Variants in PIK3CA observed in about 807,000 individuals in gnomAD.
The protein encoded by PIK3CA is phosphatidylinositol-4,5-bisphosphate 3-kinase catalytic subunit alpha, also known as phosphatidylinositol 4,5-bisphosphate 3-kinase catalytic subunit alpha isoform.
In PIK3CA, 27 loss-of-function variants were observed where a neutral mutation model predicts 138.2. That is an observed-to-expected ratio of 0.20 (90% CI 0.14 to 0.27). The LOEUF is 0.27. Among genes scored for constraint, PIK3CA ranks in the 10% least tolerant of loss-of-function variants. The pLI is 1.00. For missense variants in PIK3CA, 544 were observed against 1,277.4 expected (o/e 0.43, Z 8.75); for synonymous variants, 358 against 413.2 (o/e 0.87, Z 1.62).
At chr3:179,152,107 C>T (rs1723027982) in intron 1 of PIK3CA, among the ~76,000 whole-genome samples, 1 of 152,112 alleles carries the variant, frequency 6.6e-6, no homozygotes, top group Non-Finnish European at 1.5e-5. Flanking sequence ...TTCATAAGCA[C>T]CAGTTTTTAT....
intron 1 of PIK3CA, among the ~76,000 whole-genome samples, chr3:179,180,643 C>T (rs1723817634): frequency 6.6e-6 from 1 of 151,930 alleles, no homozygotes; most frequent in Non-Finnish European, 1.5e-5. Flanking sequence ...AATGTTTTAA[C>T]CTTGGAGATT....
intron 6 of PIK3CA, among the ~76,000 whole-genome samples, chr3:179,205,081 C>A (rs1724524449): frequency 6.8e-6 from 1 of 147,232 alleles, no homozygotes; most frequent in African/African-American, 2.5e-5. Context: ...TGGCATGTGC[C>A]TGTAGTCCCA....
rs1725325040 is a variant in PIK3CA at position 179,235,951 on chromosome 3, A to AT, written c.*1589dup. 4.8e-5 allele frequency: 10 copies of AT among 209,752 alleles called. No homozygotes were observed. In the South Asian group the frequency reaches 1.5e-3, roughly 32 times the overall value. The allele number at this position is 209,752 out of a possible 1,614,324, so 13.0% of individuals were successfully genotyped here. ...AAATGAATGATTAATGTCCTAGGAA[A>AT]TTAGCTTTAGCAGATGTCCAGGTGC... On this transcript the variant is annotated 3_prime_UTR_variant, in exon 21 of 21. Coordinates refer to ENST00000263967, the MANE Select transcript of PIK3CA (RefSeq NM_006218.4).
chr3:179,226,639 G>A (rs552991952), intron 17 of PIK3CA, among the ~76,000 whole-genome samples: 2 of 152,176 alleles, frequency 1.3e-5, no homozygotes, highest in Non-Finnish European at 2.9e-5. Flanking sequence ...TGGCCTATAA[G>A]TGGACATAGA....
chr3:179,182,303 G>C lies in PIK3CA; in HGVS notation c.-76-16447G>C, dbSNP rs144145180. ...AAGCATTTTAATGTATTAAATCATT[G>C]TAAGTAATTTATTGTTTAACTGCAT... On this transcript the variant is annotated intron_variant, in intron 1 of 20. Transcript: ENST00000263967. Among the ~76,000 whole-genome samples, 19 of 152,284 alleles carry C rather than the reference G, an allele frequency of 1.2e-4. No individual in the cohort carries two copies. The East Asian group carries it at 3.5e-3, about 28-fold the overall frequency.
chr3:179,213,390 C>G (rs1724764867), intron 9 of PIK3CA, among the ~76,000 whole-genome samples: 2 of 152,194 alleles, frequency 1.3e-5, no homozygotes, highest in South Asian at 4.1e-4. Context: ...AATGTACATA[C>G]TTTAAAAATA....
chr3:179,204,727 T>C (rs946864413), intron 6 of PIK3CA, 139 bp downstream of exon 6: 1 of 491,846 alleles, frequency 2.0e-6, no homozygotes, highest in Non-Finnish European at 3.8e-6. Context: ...TTCTTAAAAA[T>C]TAGCTAGGCA....
Position 179,183,768 on chromosome 3 carries a change from C to A in PIK3CA, c.-76-14982C>A, listed in dbSNP as rs1015866358. Among the ~76,000 whole-genome samples the A allele has an allele frequency of 3.3e-5, 5 of 152,164 alleles. No individual in the cohort carries two copies. In the South Asian group the frequency reaches 1.0e-3, roughly 32 times the overall value. On this transcript the variant is annotated intron_variant, in intron 1 of 20. Transcript: ENST00000263967. ...GATAATAGCAAGGATAGATAAATAA[C>A]TAGACAAAAATGTCAGGGACCTAAG...
chr3:179,180,322 G>A (rs748015422), intron 1 of PIK3CA, among the ~76,000 whole-genome samples: 3 of 152,030 alleles, frequency 2.0e-5, no homozygotes, highest in Non-Finnish European at 4.4e-5. Flanking sequence ...AAATTACCAC[G>A]TTCTGCCTTG....
intron 1 of PIK3CA, among the ~76,000 whole-genome samples, chr3:179,154,328 C>T (rs185929011): frequency 1.3e-5 from 2 of 152,176 alleles, no homozygotes; most frequent in Admixed American, 6.5e-5. Context: ...GTTGTCGGAG[C>T]AGCAGCGGCA....
intron 1 of PIK3CA, among the ~76,000 whole-genome samples, chr3:179,190,407 G>A (rs947113412): frequency 2.8e-4 from 41 of 144,882 alleles, no homozygotes; most frequent in African/African-American, 9.7e-4. Context: ...TGAGTATGTT[G>A]AGGTACAGTT....
intron 1 of PIK3CA, among the ~76,000 whole-genome samples, chr3:179,176,061 A>G (rs756638745): frequency 6.6e-6 from 1 of 152,208 alleles, no homozygotes; most frequent in African/African-American, 2.4e-5. Flanking sequence ...TTCCAGAGGA[A>G]ATCTATAGTC....
intron 1 of PIK3CA, among the ~76,000 whole-genome samples, chr3:179,197,725 A>C (rs1299841203): frequency 6.6e-6 from 1 of 151,872 alleles, no homozygotes; most frequent in Non-Finnish European, 1.5e-5. Context: ...CTTAACTTTC[A>C]TTTTTTTCTT....
chr3:179,156,580 G>A (rs959980716), intron 1 of PIK3CA, among the ~76,000 whole-genome samples: 5 of 152,184 alleles, frequency 3.3e-5, no homozygotes, highest in African/African-American at 1.2e-4. Flanking sequence ...GTGCAGATAA[G>A]TATGTGGAAA....
At chr3:179,184,791 G>A (rs572639443) in intron 1 of PIK3CA, among the ~76,000 whole-genome samples, 1 of 152,294 alleles carries the variant, frequency 6.6e-6, no homozygotes, top group South Asian at 2.1e-4. Context: ...CAAGAAACCT[G>A]TAGCTAACCC....
chr3:179,181,326 A>G (rs888679911), intron 1 of PIK3CA, among the ~76,000 whole-genome samples: 2 of 152,026 alleles, frequency 1.3e-5, no homozygotes, highest in African/African-American at 4.8e-5. Flanking sequence ...AGGGATAATG[A>G]CTCATGCTGT....
At chr3:179,164,300 T>TA (rs1723359749) in intron 1 of PIK3CA, among the ~76,000 whole-genome samples, 1 of 152,282 alleles carries the variant, frequency 6.6e-6, no homozygotes, top group South Asian at 2.1e-4. Context: ...TTCCGATACT[T>TA]ACAGAGCACA....
Position 179,234,036 on chromosome 3 carries a change from C to T in PIK3CA, c.2937-58C>T, listed in dbSNP as rs1467093378. On this transcript the variant is annotated intron_variant, in intron 20 of 20. Coordinates refer to ENST00000263967, the MANE Select transcript of PIK3CA (RefSeq NM_006218.4). This position sits in a 1 kb window ranked among gnomAD's most constrained non-coding sequence, Gnocchi z 5.1. ...TAATTTTGTGACATTTGAGCAAAGA[C>T]CTGAAGGTATTAACATCATTTGCTC... 7.8e-7 allele frequency: 1 copy of T among 1,282,698 alleles called. No individual in the cohort carries two copies. The highest frequency in any genetic ancestry group is 1.1e-6 in the Non-Finnish European group (1 of 918,330). The allele number at this position is 1,282,698 out of a possible 1,614,324, so 79.5% of individuals were successfully genotyped here. A position where few individuals can be genotyped will look rare whatever the true frequency, so the allele number is the denominator to read the frequency against.
rs150899975 is a variant in PIK3CA at position 179,162,990 on chromosome 3, T to C, written c.-77+14387T>C. Among the ~76,000 whole-genome samples, 1,020 of 152,206 alleles carry C rather than the reference T, an allele frequency of 6.7e-3. 65 individuals carry two copies. The South Asian group carries it at 0.14, about 20-fold the overall frequency. On this transcript the variant is annotated intron_variant, in intron 1 of 20. Transcript: ENST00000263967. The stretch of plus-strand genomic sequence containing the variant: ...CGCTAACCCTGTAGCTTATTAGCTA[T>C]CAAAATATACAATACAATTAGAGTA...
Sources: allele counts gnomAD v4.1 joint callset (sites outside exome capture counted in the v4.1 genomes callset), GRCh38; gene constraint gnomAD v4.1.1; non-coding constraint Gnocchi (gnomAD v3.1); transcripts MANE v1.5; gene names NCBI Gene and HGNC (gene_info 2026-07-23, HGNC 2026-07-21).